Variants in GMDS observed in about 807,000 individuals in gnomAD.
GMDS encodes the protein GDP-mannose 4,6-dehydratase, also known as GDP-mannose 4,6 dehydratase.
Under a neutral mutation model 49.9 loss-of-function variants are expected in GMDS, and 20 were observed. The ratio of observed to expected loss-of-function variants is 0.40; its 90% CI spans 0.28 to 0.58. GMDS has a LOEUF of 0.58. GMDS is among the 20% of genes least tolerant of loss of function. The probability of loss-of-function intolerance (pLI) is 0.42; values close to 1 mark genes in which losing one functional copy is unlikely to be tolerated. For missense variants in GMDS, 362 were observed against 481.4 expected (o/e 0.75, Z 2.32); for synonymous variants, 177 against 178.6 (o/e 0.99, Z 0.07).
rs759069681 is a variant in GMDS, at chr6:1,751,650, C to T, written c.772-9064G>A. ...TTGGGATTACAGGCACATGCCACCA[C>T]ACACAGCTAATTTTTGTATTTTTAG... On this transcript the variant is annotated intron_variant, in intron 7 of 10. Coordinates refer to ENST00000380815, the MANE Select transcript of GMDS (RefSeq NM_001500.4). 3.3e-5 allele frequency among the ~76,000 whole-genome samples: 5 copies of T among 152,272 alleles called. No homozygotes were observed. The South Asian group carries it at 8.3e-4, about 25-fold the overall frequency.
intron 7 of GMDS, among the ~76,000 whole-genome samples, chr6:1,795,338 T>A (rs140237290): frequency 1.7e-4 from 26 of 152,338 alleles, no homozygotes; most frequent in Middle Eastern, 3.4e-3. Flanking sequence ...CCACAAGGCA[T>A]CAAAATTACA....
chr6:2,129,007 T>C (rs577473802), intron 1 of GMDS, among the ~76,000 whole-genome samples: 2 of 152,338 alleles, frequency 1.3e-5, no homozygotes, highest in Admixed American at 1.3e-4. Context: ...GGGCCAGGTT[T>C]CAGTGTTCCT....
At chr6:2,021,118 G>C (rs764661712) in intron 4 of GMDS, among the ~76,000 whole-genome samples, 88 of 152,238 alleles carry the variant, frequency 5.8e-4, no homozygotes, top group Admixed American at 1.7e-3. Flanking sequence ...ACTCTGATTA[G>C]GAGGAGTCAA....
At chr6:1,772,632 C>T (rs530573202) in intron 7 of GMDS, among the ~76,000 whole-genome samples, 22 of 152,250 alleles carry the variant, frequency 1.4e-4, no homozygotes, top group South Asian at 4.1e-4. Context: ...TAGCAAAGCA[C>T]GGGGGAGTAT....
intron 9 of GMDS, among the ~76,000 whole-genome samples, chr6:1,694,999 T>C (rs543692771): frequency 4.0e-4 from 61 of 152,306 alleles, no homozygotes; most frequent in African/African-American, 1.4e-3. Flanking sequence ...AATTTCTTTG[T>C]TTTCTTGTTA....
At chr6:2,064,502 GAC>G (rs778862373) in intron 4 of GMDS, among the ~76,000 whole-genome samples, 81 of 152,266 alleles carry the variant, frequency 5.3e-4, no homozygotes, top group Admixed American at 1.5e-3. Context: ...GGGGCTTGCT[GAC>G]AGAGACATTG....
intron 4 of GMDS, among the ~76,000 whole-genome samples, chr6:2,065,542 T>C (rs1245765239): frequency 1.3e-5 from 2 of 152,040 alleles, no homozygotes; most frequent in Non-Finnish European, 2.9e-5. Context: ...GAAGAATGTA[T>C]AACTAGAATA....
chr6:2,006,418 A>G (rs1767176652), intron 4 of GMDS, among the ~76,000 whole-genome samples: 1 of 152,042 alleles, frequency 6.6e-6, no homozygotes, highest in Non-Finnish European at 1.5e-5. Context: ...ACACAGCAAG[A>G]TCCTGTCTCC....
At chr6:2,124,615 C>T (rs1009247453) in intron 2 of GMDS, 72 bp downstream of exon 2, 6 of 1,076,082 alleles carry the variant, frequency 5.6e-6, no homozygotes, top group Middle Eastern at 2.0e-4. Context: ...AGGACGGCAG[C>T]AGAGGAAGCA....
intron 4 of GMDS, among the ~76,000 whole-genome samples, chr6:2,085,773 C>T (rs1161806320): frequency 6.6e-6 from 1 of 152,172 alleles, no homozygotes; most frequent in Non-Finnish European, 1.5e-5. Context: ...AGCAATCCAC[C>T]TGCCTCGGCT....
intron 4 of GMDS, among the ~76,000 whole-genome samples, chr6:2,010,063 T>C (rs1256695593): frequency 6.6e-6 from 1 of 152,054 alleles, no homozygotes; most frequent in Non-Finnish European, 1.5e-5. Flanking sequence ...GCACGGTGGC[T>C]CACACCTGTA....
At chr6:1,649,893 T>C (rs919125393) in intron 9 of GMDS, among the ~76,000 whole-genome samples, 6 of 152,224 alleles carry the variant, frequency 3.9e-5, no homozygotes, top group Non-Finnish European at 8.8e-5. Flanking sequence ...AGTGCCTGGC[T>C]TCACAGTTTT....
chr6:1,753,390 A>T (rs1049491419), intron 7 of GMDS, among the ~76,000 whole-genome samples: 11 of 152,206 alleles, frequency 7.2e-5, no homozygotes, highest in Non-Finnish European at 1.6e-4. Context: ...AGATTCATAA[A>T]GCAAGTTCTT....
At chr6:2,176,059 T>C in intron 1 of GMDS, 2 of 1,379,200 alleles carry the variant, frequency 1.5e-6, no homozygotes, top group South Asian at 2.5e-5. Flanking sequence ...AGACAGCAGA[T>C]GTGACTACAG....
At chr6:1,739,701 C>T (rs1767185738) in intron 8 of GMDS, among the ~76,000 whole-genome samples, 1 of 152,224 alleles carries the variant, frequency 6.6e-6, no homozygotes, top group East Asian at 1.9e-4. Context: ...CTGTGTGAGG[C>T]TGTGTCCCCA....
chr6:2,118,159 T>C (rs931555829), intron 2 of GMDS, among the ~76,000 whole-genome samples: 9 of 151,380 alleles, frequency 5.9e-5, no homozygotes, highest in African/African-American at 1.7e-4. Flanking sequence ...GAGAGGATTC[T>C]TAAAATTGTT....
chr6:1,947,245 G>C (rs1763111123), intron 6 of GMDS, among the ~76,000 whole-genome samples: 2 of 152,178 alleles, frequency 1.3e-5, no homozygotes, highest in Admixed American at 6.5e-5. Context: ...CCAGAATGGG[G>C]ATATGCTGGT....
At chr6:1,749,524 C>T (rs777991376) in intron 7 of GMDS, among the ~76,000 whole-genome samples, 3 of 151,520 alleles carry the variant, frequency 2.0e-5, no homozygotes, top group Non-Finnish European at 4.4e-5. Flanking sequence ...ACCCTGGAGG[C>T]GGAGGTGGCA....
intron 4 of GMDS, among the ~76,000 whole-genome samples, chr6:2,094,108 A>C (rs1773464354): frequency 6.6e-6 from 1 of 152,234 alleles, no homozygotes; most frequent in Non-Finnish European, 1.5e-5. Context: ...GCTGAAGACC[A>C]ATGTCGATAA....
Sources: gnomAD v4.1 joint callset for allele counts (sites outside exome capture counted in the v4.1 genomes callset) on GRCh38, gnomAD v4.1.1 for gene constraint, MANE v1.5 for transcripts, NCBI Gene and HGNC (gene_info 2026-07-23, HGNC 2026-07-21) for gene names.